PTPRN: variants seen among roughly 807,000 people sequenced by gnomAD.
PTPRN encodes protein tyrosine phosphatase receptor type N, also known as receptor-type tyrosine-protein phosphatase-like N.
In PTPRN, 70 loss-of-function variants were observed where a neutral mutation model predicts 108.5. The ratio of observed to expected loss-of-function variants is 0.65; its 90% CI spans 0.53 to 0.79. PTPRN has a LOEUF of 0.79. Ranked by LOEUF, PTPRN falls within the 30% of genes least tolerant of loss-of-function variation. The probability of loss-of-function intolerance (pLI) is 0.00; values close to 1 mark genes in which losing one functional copy is unlikely to be tolerated. For missense variants in PTPRN, 1,136 were observed against 1,295.5 expected, an observed-to-expected ratio of 0.88 and a Z score of 1.89; for synonymous variants, 496 against 524.6, an observed-to-expected ratio of 0.95 and a Z score of 0.75.
In PTPRN at chr2:219,309,316, C is replaced by A; in HGVS notation, c.17G>T (p.Arg6Leu). 2 of 1,478,240 alleles carry A rather than the reference C, an allele frequency of 1.4e-6. No individual in the cohort carries two copies. The highest frequency in any genetic ancestry group is 2.5e-5 in the South Asian group (2 of 80,486). 91.6% of individuals were successfully genotyped at this position (1,478,240 alleles called of 1,614,324 possible). A position where few individuals can be genotyped will look rare whatever the true frequency, so the allele number is the denominator to read the frequency against. ...CCCGGATCCCCCGAGACCCCCAGGCCGCCGCGGGCGCCGCATCTTTCCGAG... is the reference window on the plus strand; with the variant it reads ...CCCGGATCCCCCGAGACCCCCAGGCAGCCGCGGGCGCCGCATCTTTCCGAG... MRRPR[R>L]PGGLGGSGGL... Residue 6 changes from arginine to leucine, a missense_variant, in exon 1 of 23, where the codon CGG (arginine) becomes CTG (leucine). Transcript: ENST00000295718.
intron 12 of PTPRN, 104 bp from the exon 13 acceptor site, chr2:219,298,207 G>C (rs1317697823): frequency 8.7e-7 from 1 of 1,146,744 alleles, no homozygotes; most frequent in Non-Finnish European, 1.3e-6. Context: ...GACATCTCCT[G>C]GGGCAAAGCT....
intron 10 of PTPRN, 52 bp downstream of exon 10, chr2:219,299,648 T>C: frequency 2.0e-6 from 3 of 1,509,560 alleles, no homozygotes; most frequent in Non-Finnish European, 2.7e-6. Context: ...ACCTCCTTGC[T>C]CAAGCTGCTT....
At position 219,290,379 on chromosome 2, in the gene PTPRN, G is replaced by T; in HGVS notation, c.2869-82C>A. 5 of 1,257,192 alleles carry T rather than the reference G, an allele frequency of 4.0e-6. No homozygotes were observed. In the South Asian group the frequency reaches 6.2e-5, roughly 16 times the overall value. 77.9% of individuals were successfully genotyped at this position (1,257,192 alleles called of 1,614,324 possible). On this transcript the variant is annotated intron_variant, in intron 22 of 22. Coordinates refer to ENST00000295718, the MANE Select transcript of PTPRN (RefSeq NM_002846.4). This position sits in a 1 kb window ranked among gnomAD's most constrained non-coding sequence, Gnocchi z 4.2. ...CAAGATGGGGGGCTTTTGGTGGGGG[G>T]AGGGCCCTGGGCAGGTCCCCTGGGA...
intron 4 of PTPRN, 139 bp downstream of exon 4, chr2:219,303,596 G>A (rs1952411182): frequency 2.6e-6 from 2 of 773,438 alleles, no homozygotes; most frequent in Non-Finnish European, 4.4e-6. Flanking sequence ...GTCAGAGAGT[G>A]ACCATTCCTG....
chr2:219,291,302 A>G (rs1292068587), intron 20 of PTPRN, among the ~76,000 whole-genome samples, 168 bp downstream of exon 20: 3 of 152,134 alleles, frequency 2.0e-5, no homozygotes, highest in Admixed American at 2.0e-4. Flanking sequence ...TTCTTCACCC[A>G]TTTAAAACTG....
rs1952238470 is a variant in PTPRN, at chr2:219,297,817, C to A, written c.1887+68G>T. 6.7e-6 allele frequency: 10 copies of A among 1,500,126 alleles called. No individual in the cohort carries two copies. The highest frequency in any genetic ancestry group is 7.2e-6 in the Non-Finnish European group (8 of 1,112,424). 92.9% of individuals were successfully genotyped at this position (1,500,126 alleles called of 1,614,324 possible). On this transcript the variant is annotated intron_variant, in intron 13 of 22. Transcript: ENST00000295718. The surrounding 1 kb of genome is among the most constrained non-coding windows in gnomAD (Gnocchi z 6.0). Reference sequence around the variant, plus strand: ...TCCCCATTCAGTTCCGACCCTTAGTCCACGCAAGACCCAGACTCCCAGGCC... The same window carrying A: ...TCCCCATTCAGTTCCGACCCTTAGTACACGCAAGACCCAGACTCCCAGGCC...
Position 219,290,401 on chromosome 2 carries a change from G to A in PTPRN, c.2869-104C>T, listed in dbSNP as rs1375035529. 4 of 1,390,872 alleles carry A rather than the reference G, an allele frequency of 2.9e-6. No individual in the cohort carries two copies. The African/African-American group carries it at 5.7e-5, about 20-fold the overall frequency. The allele number at this position is 1,390,872 out of a possible 1,614,324, so 86.2% of individuals were successfully genotyped here. A position where few individuals can be genotyped will look rare whatever the true frequency, so the allele number is the denominator to read the frequency against. On this transcript the variant is annotated intron_variant, in intron 22 of 22. Transcript: ENST00000295718. This position sits in a 1 kb window ranked among gnomAD's most constrained non-coding sequence, Gnocchi z 4.2. ...GGGGAGGGCCCTGGGCAGGTCCCCT[G>A]GGAGGAAGGGAGCCCTCCTGGAGGA...
chr2:219,293,874 C>A (rs1214651056), intron 19 of PTPRN, among the ~76,000 whole-genome samples: 2 of 152,190 alleles, frequency 1.3e-5, no homozygotes, highest in Non-Finnish European at 2.9e-5. Flanking sequence ...TTCCCAAGTA[C>A]CTGTCTGGGG....
Position 219,307,480 on chromosome 2 carries a change from G to A in PTPRN, c.244C>T (p.Arg82Cys), listed in dbSNP as rs776445081. ...LLQVTSPVLQ[R>C]LQGVLRQLMS... is the part of the protein sequence containing the mutation. ...AGTTGTCGGAGCACACCTTGTAAGC[G>A]TTGGAGAACTGGGGAGGTGACTTGC... The change falls in exon 3 of 23, where the codon CGC becomes TGC. Residue 82 changes from arginine (R) to cysteine (C), a missense_variant. Physicochemically the swap from Arg to Cys is radical, Grantham distance 180. Coordinates refer to ENST00000295718, the MANE Select transcript of PTPRN (RefSeq NM_002846.4). 1.1e-5 allele frequency: 17 copies of A among 1,614,166 alleles called. No homozygotes were observed. Among genetic ancestry groups the A allele is most frequent in the South Asian group, 9.9e-5 (9 of 91,072 alleles).
chr2:219,309,176 T>TACCCCCCCCCCCC, intron 1 of PTPRN, 42 bp downstream of exon 1: 5 of 1,364,346 alleles, frequency 3.7e-6, no homozygotes, highest in Non-Finnish European at 3.0e-6. Context: ...CCCAAGCTGC[T>TACCCCCCCCCCCC]CCCCGCCCCC....
In PTPRN at chr2:219,299,311, G is replaced by T; in HGVS notation, c.1597C>A (p.Gln533Lys). Reference sequence around the variant, plus strand: ...AGGTCGCAGAGATATTTACCTGCTTGTTGGGTCACATCAGCCAAAGACAGG... The same window carrying T: ...AGGTCGCAGAGATATTTACCTGCTTTTTGGGTCACATCAGCCAAAGACAGG... ...QNLSLADVTQ[Q>K]AGLVKSELEA... The change falls in exon 11 of 23, where the codon CAA becomes AAA. Residue 533 changes from glutamine to lysine, a missense_variant. Gln to Lys is a moderately conservative substitution (Grantham distance 53). Transcript: ENST00000295718. The T allele has an allele frequency of 6.2e-7, 1 of 1,614,180 alleles. No homozygotes were observed. Among genetic ancestry groups the T allele is most frequent in the African/African-American group, 1.3e-5 (1 of 75,054 alleles).
At chr2:219,298,206 T>G in intron 12 of PTPRN, 103 bp from the exon 13 acceptor site, 1 of 1,158,674 alleles carries the variant, frequency 8.6e-7, no homozygotes, top group Middle Eastern at 2.3e-4. Flanking sequence ...GGACATCTCC[T>G]GGGGCAAAGC....
chr2:219,296,425 C>T lies in PTPRN; in HGVS notation c.2388+14G>A, dbSNP rs753059394. ...CACAAGGACCCCAGCGAAGCCCTCCCTTTAAGAGCCCACCTGCCAGAAGTC... is the reference window on the plus strand; with the variant it reads ...CACAAGGACCCCAGCGAAGCCCTCCTTTTAAGAGCCCACCTGCCAGAAGTC... On this transcript the variant is annotated intron_variant, in intron 17 of 22. Coordinates refer to ENST00000295718, the MANE Select transcript of PTPRN (RefSeq NM_002846.4). The surrounding 1 kb of genome is among the most constrained non-coding windows in gnomAD (Gnocchi z 6.0). 6.2e-7 allele frequency: 1 copy of T among 1,614,044 alleles called. No individual in the cohort carries two copies. The highest frequency in any genetic ancestry group is 1.3e-5 in the African/African-American group (1 of 74,936).
chr2:219,301,393 C>T (rs1378715713), intron 7 of PTPRN, among the ~76,000 whole-genome samples, 195 bp downstream of exon 7: 2 of 152,146 alleles, frequency 1.3e-5, no homozygotes, highest in East Asian at 3.9e-4. Flanking sequence ...TAGTCTTTTC[C>T]TGATCTAACT....
rs929675594 is a variant in PTPRN at position 219,290,092 on chromosome 2, T to C, written c.*134A>G. The C allele has an allele frequency of 3.5e-6, 3 of 869,202 alleles. No individual in the cohort carries two copies. Among genetic ancestry groups the C allele is most frequent in the Non-Finnish European group, 5.5e-6 (3 of 545,876 alleles). The allele number at this position is 869,202 out of a possible 1,614,324, so 53.8% of individuals were successfully genotyped here. ...CAGGCGTGCCCCTTCTGGCTTTCCC[T>C]TCCTGACTCTTCTAGGAAGGGCTGA... On this transcript the variant is annotated 3_prime_UTR_variant, in exon 23 of 23. Coordinates refer to ENST00000295718, the MANE Select transcript of PTPRN (RefSeq NM_002846.4). The surrounding 1 kb of genome is among the most constrained non-coding windows in gnomAD (Gnocchi z 4.2).
At position 219,299,687 on chromosome 2, in the gene PTPRN, A is replaced by T; in HGVS notation, c.1523+13T>A. On this transcript the variant is annotated intron_variant, in intron 10 of 22. Transcript: ENST00000295718. The stretch of plus-strand genomic sequence containing the variant: ...AGATCTCGGCCACTGCCCTAGCAAG[A>T]TGCCAGCCCCACCTGATGTTGATGA... 1 of 1,584,518 alleles carries T rather than the reference A, an allele frequency of 6.3e-7. No individual in the cohort carries two copies. The highest frequency in any genetic ancestry group is 8.6e-7 in the Non-Finnish European group (1 of 1,161,104).
chr2:219,297,123 C>G lies in PTPRN; in HGVS notation c.2098G>C (p.Glu700Gln), dbSNP rs1210913966. ...CGGTCCCGGTTCCGCAGGTGATCCT[C>G]CATGTATGCCTGTGGGGGCACCACG... Reference protein sequence around the residue: ...STGHMILAYMEDHLRNRDRLA... With the variant: ...STGHMILAYMQDHLRNRDRLA... Residue 700 changes from glutamate to glutamine, a missense_variant, in exon 15 of 23, where the codon GAG (glutamate) becomes CAG (glutamine). Physicochemically the swap from Glu to Gln is conservative, Grantham distance 29. Coordinates refer to ENST00000295718, the MANE Select transcript of PTPRN (RefSeq NM_002846.4). This position sits in a 1 kb window ranked among gnomAD's most constrained non-coding sequence, Gnocchi z 6.0. 2.5e-6 allele frequency: 4 copies of G among 1,613,886 alleles called. No individual in the cohort carries two copies. Among genetic ancestry groups the G allele is most frequent in the Admixed American group, 1.7e-5 (1 of 60,004 alleles).
rs753228354 is a variant in PTPRN at position 219,299,992 on chromosome 2, C to A, written c.1429G>T (p.Asp477Tyr). The change falls in exon 9 of 23, where the codon GAT becomes TAT. Residue 477 changes from aspartate (D) to tyrosine (Y), a missense_variant. Coordinates refer to ENST00000295718, the MANE Select transcript of PTPRN (RefSeq NM_002846.4). ...CCAGGATGCAGCCCTTACTTCTGAT[C>A]AGTGACGATGTAGCCATATTCCTCT... ...AAEEYGYIVT[D>Y]QKPLSLAAGV... The A allele has an allele frequency of 2.5e-6, 4 of 1,614,224 alleles. No individual in the cohort carries two copies. The highest frequency in any genetic ancestry group is 3.4e-6 in the Non-Finnish European group (4 of 1,180,040).
intron 19 of PTPRN, chr2:219,291,966 GC>G: frequency 5.2e-6 from 1 of 191,070 alleles, no homozygotes; most frequent in Non-Finnish European, 1.1e-5. Context: ...AGACACTTCT[GC>G]CCAAGTCCAA....
Sources: allele counts gnomAD v4.1 joint callset (sites outside exome capture counted in the v4.1 genomes callset), GRCh38; gene constraint gnomAD v4.1.1; non-coding constraint Gnocchi (gnomAD v3.1); transcripts MANE v1.5; gene names NCBI Gene and HGNC (gene_info 2026-07-23, HGNC 2026-07-21).